Variants in GRIA4 observed in about 807,000 individuals in gnomAD.
GRIA4 encodes glutamate receptor 4.
A neutral mutation model predicts 104.0 loss-of-function variants in GRIA4; 34 were observed. That is an observed-to-expected ratio of 0.33 (90% CI 0.25 to 0.44). The LOEUF (loss-of-function observed/expected upper bound fraction) is 0.44. Among genes scored for constraint, GRIA4 ranks in the 20% least tolerant of loss-of-function variants. GRIA4 has a pLI of 1.00. For synonymous variants in GRIA4, 386 were observed against 381.9 expected (o/e 1.01, Z -0.13); for missense variants, 750 against 1,096.5 (o/e 0.68, Z 4.46).
chr11:105,857,258 AC>A (rs1273221962), intron 4 of GRIA4, among the ~76,000 whole-genome samples: 1 of 152,032 alleles, frequency 6.6e-6, no homozygotes, highest in Non-Finnish European at 1.5e-5. Flanking sequence ...TCCTTTCTTG[AC>A]TCAAATCAAT....
At chr11:105,873,054 T>C (rs1591377811) in intron 5 of GRIA4, among the ~76,000 whole-genome samples, 1 of 152,012 alleles carries the variant, frequency 6.6e-6, no homozygotes, top group Non-Finnish European at 1.5e-5. Flanking sequence ...AGGTATTTCT[T>C]CTAATGCTAT....
At chr11:105,894,840 T>G (rs1286736292) in intron 6 of GRIA4, among the ~76,000 whole-genome samples, 1 of 101,452 alleles carries the variant, frequency 9.9e-6, no homozygotes, top group South Asian at 2.7e-4. Flanking sequence ...TCGCCCAGGC[T>G]GGACTGCGGA....
chr11:105,721,639 C>T (rs996776902), intron 3 of GRIA4, among the ~76,000 whole-genome samples: 1 of 152,130 alleles, frequency 6.6e-6, no homozygotes, highest in African/African-American at 2.4e-5. Flanking sequence ...GGTTTGCAAC[C>T]AAACAGAACA....
intron 4 of GRIA4, among the ~76,000 whole-genome samples, chr11:105,847,068 G>T (rs1170611531): frequency 6.6e-6 from 1 of 151,620 alleles, no homozygotes; most frequent in Non-Finnish European, 1.5e-5. Flanking sequence ...AGATCATCAG[G>T]ATCTTAGATT....
At chr11:105,688,156 C>CTATATCTCTA (rs373564678) in intron 3 of GRIA4, among the ~76,000 whole-genome samples, 2,598 of 71,910 alleles carry the variant, frequency 0.036, 24 homozygotes, top group African/African-American at 0.064. Flanking sequence ...ATATCTATAT[C>CTATATCTCTA]TCTATCTATC....
Position 105,899,150 on chromosome 11 carries a change from A to C in GRIA4, c.885+723A>C, listed in dbSNP as rs761937292. Among the ~76,000 whole-genome samples, 114 of 152,204 alleles carry C rather than the reference A, an allele frequency of 7.5e-4. 1 individual carries two copies. Among genetic ancestry groups the C allele is most frequent in the Non-Finnish European group, 2.4e-4 (16 of 68,028 alleles). On this transcript the variant is annotated intron_variant, in intron 7 of 16. Transcript: ENST00000282499. ...TTGGAAACTCAAGCCTAGAAAAAAC[A>C]AGATCTAAGGCTAGAGGGCCTCAGC...
chr11:105,887,618 C>A, intron 6 of GRIA4, 46 bp downstream of exon 6: 2 of 854,842 alleles, frequency 2.3e-6, no homozygotes, highest in Non-Finnish European at 4.0e-6. Context: ...TGCTCAAGCA[C>A]ACAAGATTAT....
At chr11:105,718,078 T>C (rs1221164517) in intron 3 of GRIA4, among the ~76,000 whole-genome samples, 1 of 152,132 alleles carries the variant, frequency 6.6e-6, no homozygotes, top group East Asian at 1.9e-4. Context: ...ATTGGTTGGC[T>C]AACAGTGCTC....
intron 3 of GRIA4, among the ~76,000 whole-genome samples, chr11:105,708,483 C>A (rs1591114097): frequency 6.6e-6 from 1 of 151,998 alleles, no homozygotes; most frequent in East Asian, 1.9e-4. Context: ...AACTATATTA[C>A]AAATAACTCC....
intron 3 of GRIA4, among the ~76,000 whole-genome samples, chr11:105,736,282 C>T (rs946753992): frequency 2.0e-5 from 3 of 152,112 alleles, no homozygotes; most frequent in Non-Finnish European, 2.9e-5. Flanking sequence ...ATTCCTAGGC[C>T]CTGTGGATGC....
At chr11:105,821,916 A>G (rs976664469) in intron 4 of GRIA4, among the ~76,000 whole-genome samples, 1 of 152,140 alleles carries the variant, frequency 6.6e-6, no homozygotes, top group Non-Finnish European at 1.5e-5. Context: ...GCTTCGAGGT[A>G]CCCATAAAAT....
chr11:105,694,152 A>G, intron 3 of GRIA4, among the ~76,000 whole-genome samples: 1 of 121,870 alleles, frequency 8.2e-6, no homozygotes, highest in East Asian at 2.7e-4. Context: ...GAAACAAGCT[A>G]ATTTTTTTTT....
intron 2 of GRIA4, 42 bp downstream of exon 2, chr11:105,611,127 G>A: frequency 7.2e-7 from 1 of 1,385,850 alleles, no homozygotes; most frequent in Non-Finnish European, 1.0e-6. Context: ...GCTGGTTGTA[G>A]CAGATATCCG....
At chr11:105,651,437 CAT>C (rs1951683836) in intron 3 of GRIA4, among the ~76,000 whole-genome samples, 1 of 152,052 alleles carries the variant, frequency 6.6e-6, no homozygotes, top group Admixed American at 6.6e-5. Flanking sequence ...AAATGGAAGA[CAT>C]AGTAAGACGG....
intron 4 of GRIA4, among the ~76,000 whole-genome samples, chr11:105,852,583 ACT>A (rs1293860660): frequency 6.6e-6 from 1 of 152,046 alleles, no homozygotes; most frequent in Non-Finnish European, 1.5e-5. Flanking sequence ...TCAATAAATC[ACT>A]CTGTATTTAG....
chr11:105,966,041 A>T (rs760143463), intron 14 of GRIA4: 1 of 1,612,446 alleles, frequency 6.2e-7, no homozygotes, highest in Non-Finnish European at 8.5e-7. Context: ...AGAATGTGGC[A>T]GCGGGGGAGG....
chr11:105,792,278 A>C (rs1397226603), intron 4 of GRIA4, among the ~76,000 whole-genome samples: 1 of 152,156 alleles, frequency 6.6e-6, no homozygotes, highest in African/African-American at 2.4e-5. Context: ...ATTATGTTAA[A>C]ATAGTTTAAG....
At chr11:105,850,479 T>C (rs1448512403) in intron 4 of GRIA4, among the ~76,000 whole-genome samples, 1 of 152,176 alleles carries the variant, frequency 6.6e-6, no homozygotes, top group Admixed American at 6.6e-5. Context: ...ATCTAAGTAG[T>C]AACTCAAAAG....
chr11:105,914,868 C>T (rs1397827365), intron 10 of GRIA4, among the ~76,000 whole-genome samples: 1 of 152,148 alleles, frequency 6.6e-6, no homozygotes, highest in Non-Finnish European at 1.5e-5. Context: ...TACAAAGATA[C>T]CCCACAAATC....
Sources: allele counts gnomAD v4.1 joint callset (sites outside exome capture counted in the v4.1 genomes callset), GRCh38; gene constraint gnomAD v4.1.1; transcripts MANE v1.5; gene names NCBI Gene and HGNC (gene_info 2026-07-23, HGNC 2026-07-21).